The following NIPSNAP1 variants were observed in gnomAD, a reference collection of about 807,000 sequenced individuals.
NIPSNAP1 encodes the protein protein NipSnap homolog 1.
In NIPSNAP1, 25 loss-of-function variants were observed where a neutral mutation model predicts 49.2. The observed-to-expected ratio is 0.51, with a 90% CI of 0.37 to 0.71. The LOEUF (loss-of-function observed/expected upper bound fraction) is 0.71. Among genes scored for constraint, NIPSNAP1 ranks in the 30% least tolerant of loss-of-function variants. NIPSNAP1 has a pLI of 0.00. For missense variants in NIPSNAP1, 294 were observed against 361.0 expected, an observed-to-expected ratio of 0.81 and a Z score of 1.50; for synonymous variants, 143 against 140.7, an observed-to-expected ratio of 1.02 and a Z score of -0.12.
intron 1 of NIPSNAP1, chr22:29,579,822 G>A (rs2064484089): frequency 3.1e-6 from 1 of 326,960 alleles, no homozygotes. Context: ...AGAGTCCTGA[G>A]GTCACCCCAC....
At chr22:29,571,128 A>G (rs1249918113) in intron 1 of NIPSNAP1, among the ~76,000 whole-genome samples, 1 of 152,148 alleles carries the variant, frequency 6.6e-6, no homozygotes, top group African/African-American at 2.4e-5. Context: ...CCACACATGG[A>G]AAGCCAAATA....
chr22:29,571,125 T>C (rs1260031076), intron 1 of NIPSNAP1, among the ~76,000 whole-genome samples: 6 of 152,068 alleles, frequency 3.9e-5, no homozygotes, highest in Admixed American at 2.0e-4. Flanking sequence ...ACCCCACACA[T>C]GGAAAGCCAA....
At chr22:29,572,268 A>G (rs1211669177) in intron 1 of NIPSNAP1, among the ~76,000 whole-genome samples, 1 of 119,760 alleles carries the variant, frequency 8.4e-6, no homozygotes, top group Admixed American at 1.1e-4. Flanking sequence ...GCACCATCAC[A>G]CTCCCGCCTG....
intron 8 of NIPSNAP1, 65 bp from the exon 9 acceptor site, chr22:29,559,018 C>G: frequency 8.3e-7 from 1 of 1,209,932 alleles, no homozygotes; most frequent in Non-Finnish European, 1.2e-6. Context: ...CAGCACAGGG[C>G]CCTCTTCCCA....
chr22:29,567,078 C>T (rs952977547), intron 4 of NIPSNAP1, among the ~76,000 whole-genome samples: 1 of 152,130 alleles, frequency 6.6e-6, no homozygotes, highest in Non-Finnish European at 1.5e-5. Flanking sequence ...GCCAAGATTG[C>T]ACCACTGTAC....
chr22:29,561,948 G>A (rs2064339135), intron 4 of NIPSNAP1, 86 bp from the exon 5 acceptor site: 1 of 1,211,444 alleles, frequency 8.3e-7, no homozygotes, highest in Non-Finnish European at 1.2e-6. Flanking sequence ...GGTGGGGACG[G>A]GGGAGGCGGG....
chr22:29,557,128 G>GT (rs995082369), intron 9 of NIPSNAP1, among the ~76,000 whole-genome samples: 25 of 150,114 alleles, frequency 1.7e-4, no homozygotes, highest in African/African-American at 4.9e-4. Context: ...TTTGTTTTTT[G>GT]TTTTTTTTGA....
Position 29,579,260 on chromosome 22 carries a change from G to A in NIPSNAP1, c.98+1725C>T, listed in dbSNP as rs535854616. On this transcript the variant is annotated intron_variant, in intron 1 of 9. Transcript: ENST00000216121. Reference sequence around the variant, plus strand: ...CTAATTGTATTTTTAGTAGAGACACGTTTTCACCAACATGGTGAAATTTTT... The same window carrying A: ...CTAATTGTATTTTTAGTAGAGACACATTTTCACCAACATGGTGAAATTTTT... 2.6e-4 allele frequency among the ~76,000 whole-genome samples: 34 copies of A among 130,656 alleles called. No individual in the cohort carries two copies. In the South Asian group the frequency reaches 8.2e-3, roughly 31 times the overall value. 85.7% of individuals were successfully genotyped at this position (130,656 alleles called of 152,430 possible). A position where few individuals can be genotyped will look rare whatever the true frequency, so the allele number is the denominator to read the frequency against.
chr22:29,570,323 C>T (rs2064398771), intron 2 of NIPSNAP1, 82 bp downstream of exon 2: 2 of 1,609,396 alleles, frequency 1.2e-6, no homozygotes, highest in Non-Finnish European at 1.7e-6. Flanking sequence ...ACATTCCAGA[C>T]CCTCCCATCT....
chr22:29,580,329 G>C (rs1263122986), intron 1 of NIPSNAP1: 1 of 942,000 alleles, frequency 1.1e-6, no homozygotes, highest in African/African-American at 1.8e-5. Context: ...GCTCAGCCCA[G>C]AGCAGGGCCC....
intron 8 of NIPSNAP1, among the ~76,000 whole-genome samples, chr22:29,560,037 C>A (rs1319439108): frequency 1.3e-5 from 2 of 152,184 alleles, no homozygotes; most frequent in Non-Finnish European, 2.9e-5. Context: ...CTTGCCACAC[C>A]TCAAAACCCC....
chr22:29,579,239 T>C (rs2064478146), intron 1 of NIPSNAP1, among the ~76,000 whole-genome samples: 2 of 149,604 alleles, frequency 1.3e-5, no homozygotes, highest in Admixed American at 1.3e-4. Context: ...ACCCAGCTAA[T>C]TGTATTTTTA....
chr22:29,558,809 CAG>C, intron 9 of NIPSNAP1, 59 bp downstream of exon 9: 1 of 1,213,256 alleles, frequency 8.2e-7, no homozygotes, highest in Non-Finnish European at 1.2e-6. Flanking sequence ...GATCTCCTTG[CAG>C]AGAGGATTCC....
At chr22:29,571,493 G>A (rs2064407250) in intron 1 of NIPSNAP1, among the ~76,000 whole-genome samples, 1 of 152,174 alleles carries the variant, frequency 6.6e-6, no homozygotes, top group Non-Finnish European at 1.5e-5. Flanking sequence ...TCTGCTGCCA[G>A]CTCCTACTGG....
intron 4 of NIPSNAP1, among the ~76,000 whole-genome samples, chr22:29,568,496 G>A (rs373606571): frequency 7.3e-3 from 802 of 110,152 alleles, no homozygotes; most frequent in Middle Eastern, 0.019. Context: ...AAAGAAAAAA[G>A]AAAAAAAAAA....
chr22:29,564,049 A>G (rs1438395307), intron 4 of NIPSNAP1, among the ~76,000 whole-genome samples: 1 of 152,188 alleles, frequency 6.6e-6, no homozygotes, highest in Non-Finnish European at 1.5e-5. Context: ...AGTAACAAAG[A>G]AACCTAATTA....
intron 9 of NIPSNAP1, among the ~76,000 whole-genome samples, 189 bp from the exon 10 acceptor site, chr22:29,556,188 A>C (rs962205928): frequency 6.6e-6 from 1 of 152,122 alleles, no homozygotes; most frequent in Non-Finnish European, 1.5e-5. Context: ...GGGATAAGAC[A>C]GGACTTTGGT....
At chr22:29,575,004 C>T (rs759424128) in intron 1 of NIPSNAP1, among the ~76,000 whole-genome samples, 5 of 152,054 alleles carry the variant, frequency 3.3e-5, no homozygotes, top group African/African-American at 7.2e-5. Flanking sequence ...GGGACTTGCC[C>T]AAGGCCGCAC....
At chr22:29,561,473 G>C (rs185034873) in intron 6 of NIPSNAP1, 33 bp downstream of exon 6, 14 of 1,613,366 alleles carry the variant, frequency 8.7e-6, no homozygotes, top group Non-Finnish European at 1.2e-5. Context: ...AGGGAAATTG[G>C]GGGGCAGGAG....
Sources: gnomAD v4.1 joint callset for allele counts (sites outside exome capture counted in the v4.1 genomes callset) on GRCh38, gnomAD v4.1.1 for gene constraint, MANE v1.5 for transcripts, NCBI Gene and HGNC (gene_info 2026-07-23, HGNC 2026-07-21) for gene names.